The following ZNF469 variants were observed in gnomAD, a reference collection of about 807,000 sequenced individuals.
ZNF469 encodes zinc finger protein 469.
Under a neutral mutation model 1.0 loss-of-function variants are expected in ZNF469, and 1 was observed. The observed-to-expected ratio is 1.00, with a 90% CI of 0.35 to 4.73. The LOEUF (loss-of-function observed/expected upper bound fraction) is 4.73, where lower values mean the gene tolerates loss of function less well. ZNF469 is among the 30% of genes most tolerant of loss of function. The pLI, the probability that ZNF469 is intolerant of heterozygous loss-of-function variation, is 0.16. For missense variants in ZNF469, 6,100 were observed against 5,356.3 expected (o/e 1.14, Z -4.33); for synonymous variants, 2,703 against 2,363.4 (o/e 1.14, Z -4.17).
chr16:88,110,524 C>T, the ZNF469 span, among the ~76,000 whole-genome samples: 5 of 152,378 alleles, frequency 3.3e-5, no homozygotes, highest in Admixed American at 2.0e-4. Context: ...TGCTCCTCCA[C>T]ACCCACATGG....
chr16:88,140,139 G>C, the ZNF469 span, among the ~76,000 whole-genome samples: 5 of 152,176 alleles, frequency 3.3e-5, no homozygotes, highest in African/African-American at 9.7e-5. Context: ...CATAATGAAA[G>C]TCCAGAGCAA....
the ZNF469 span, among the ~76,000 whole-genome samples, chr16:88,220,429 G>T: frequency 6.6e-6 from 1 of 152,194 alleles, no homozygotes; most frequent in African/African-American, 2.4e-5. Context: ...CCGTATGAGA[G>T]CAGTGCCAGA....
At position 88,433,970 on chromosome 16, in the gene ZNF469, C is replaced by T. The variant is rs1160420774; in HGVS notation, c.6500C>T (p.Ala2167Val). Residue 2167 changes from alanine (A) to valine (V), a missense_variant, in exon 3 of 3, where the codon GCC becomes GTC. Physicochemically the swap from Ala to Val is moderately conservative, Grantham distance 64. Transcript: ENST00000565624. ...CCTCCCGGCCCCCAGCAGCTGCTGG[C>T]CTGTTCTCCTGCCTGGGCACCTCTG... ...RDPPGPQQLL[A>V]CSPAWAPLEE... 2 of 1,550,252 alleles carry T rather than the reference C, an allele frequency of 1.3e-6. No individual in the cohort carries two copies. The highest frequency in any genetic ancestry group is 1.7e-6 in the Non-Finnish European group (2 of 1,146,916).
chr16:88,273,544 A>G, the ZNF469 span, among the ~76,000 whole-genome samples: 16 of 152,224 alleles, frequency 1.1e-4, no homozygotes, highest in Non-Finnish European at 1.6e-4. Flanking sequence ...ACCCTCCTGC[A>G]AGGTTGGTGG....
At chr16:88,337,920 C>A in the ZNF469 span, among the ~76,000 whole-genome samples, 10 of 152,328 alleles carry the variant, frequency 6.6e-5, no homozygotes, top group South Asian at 2.1e-3. Flanking sequence ...CCAAAATTTT[C>A]TCCTGCTTTG....
the ZNF469 span, among the ~76,000 whole-genome samples, chr16:88,264,812 C>T: frequency 6.6e-6 from 1 of 151,366 alleles, no homozygotes; most frequent in South Asian, 2.1e-4. Context: ...CACGGCCCCC[C>T]GCCTCGCACC....
chr16:88,280,194 G>A, the ZNF469 span, among the ~76,000 whole-genome samples: 1 of 151,884 alleles, frequency 6.6e-6, no homozygotes, highest in Admixed American at 6.5e-5. Flanking sequence ...CGCTTGGTCA[G>A]TACTGTGTAG....
the ZNF469 span, among the ~76,000 whole-genome samples, chr16:88,186,636 C>T: frequency 1.2e-3 from 188 of 152,242 alleles, no homozygotes; most frequent in Non-Finnish European, 2.3e-3. Context: ...CAAAGCGCAG[C>T]GGGCCCACCT....
In ZNF469 at chr16:88,424,351, C is replaced by T. The variant is rs1341918848; in HGVS notation, c.-191-456C>T. 9.2e-5 allele frequency among the ~76,000 whole-genome samples: 14 copies of T among 152,194 alleles called. No individual in the cohort carries two copies. Among genetic ancestry groups the T allele is most frequent in the Admixed American group, 9.2e-4 (14 of 15,278 alleles). On this transcript the variant is annotated intron_variant, in intron 1 of 2. Transcript: ENST00000565624. This position sits in a 1 kb window ranked among gnomAD's most constrained non-coding sequence, Gnocchi z 4.3. Reference sequence around the variant, plus strand: ...GAAGGAGGAAAGGCAGTGTGTGTTCCTGTGTGCTGGTGTTTGCATCCAGGG... The same window carrying T: ...GAAGGAGGAAAGGCAGTGTGTGTTCTTGTGTGCTGGTGTTTGCATCCAGGG...
chr16:88,174,742 T>C, the ZNF469 span, among the ~76,000 whole-genome samples: 7 of 151,016 alleles, frequency 4.6e-5, no homozygotes, highest in Non-Finnish European at 1.0e-4. Flanking sequence ...ATGGTTATAA[T>C]ATTTTTCTCT....
Position 88,431,067 on chromosome 16 carries a change from C to A in ZNF469, c.3597C>A (p.Pro1199=). 1 of 1,549,504 alleles carries A rather than the reference C, an allele frequency of 6.5e-7. No individual in the cohort carries two copies. The highest frequency in any genetic ancestry group is 2.4e-5 in the East Asian group (1 of 40,900). ...PKCADRPSVA[P]KDPLQVPTNT... is the part of the protein sequence containing the mutation. Reference sequence around the variant, plus strand: ...GTGCTGATCGCCCCTCAGTGGCCCCCAAGGATCCCCTGCAGGTCCCCACCA... The same window carrying A: ...GTGCTGATCGCCCCTCAGTGGCCCCAAAGGATCCCCTGCAGGTCCCCACCA... Residue 1199 remains proline (P), a synonymous_variant, in exon 3 of 3, where the codon CCC becomes CCA. Coordinates refer to ENST00000565624, the MANE Select transcript of ZNF469 (RefSeq NM_001367624.2).
chr16:88,309,295 C>T, the ZNF469 span, among the ~76,000 whole-genome samples: 1 of 152,228 alleles, frequency 6.6e-6, no homozygotes, highest in Non-Finnish European at 1.5e-5. Flanking sequence ...CTGTGGTGGC[C>T]AGCCCTACAG....
In ZNF469 at chr16:88,383,081, C is replaced by T. The variant is rs2092529455; in HGVS notation, c.-365C>T. 6.6e-6 allele frequency among the ~76,000 whole-genome samples: 1 copy of T among 150,796 alleles called. No homozygotes were observed. Among genetic ancestry groups the T allele is most frequent in the Non-Finnish European group, 1.5e-5 (1 of 67,556 alleles). ...GCGGCTGCTCCCTCTCCTCCCACCCCGCCCCGAGGCGCAGCGCGCGGCAGA... is the reference window on the plus strand; with the variant it reads ...GCGGCTGCTCCCTCTCCTCCCACCCTGCCCCGAGGCGCAGCGCGCGGCAGA... On this transcript the variant is annotated 5_prime_UTR_variant, in exon 1 of 3. Transcript: ENST00000565624.
At chr16:88,309,488 A>C in the ZNF469 span, among the ~76,000 whole-genome samples, 1 of 141,434 alleles carries the variant, frequency 7.1e-6, no homozygotes, top group Non-Finnish European at 1.5e-5. Context: ...CTCGGTGTTC[A>C]GGACACCTGA....
At chr16:88,230,581 GTAA>G in the ZNF469 span, among the ~76,000 whole-genome samples, 2 of 124,124 alleles carry the variant, frequency 1.6e-5, no homozygotes, top group Non-Finnish European at 3.7e-5. Flanking sequence ...GTCGCTGTGG[GTAA>G]CTGGGCTCTG....
chr16:88,265,035 G>A, the ZNF469 span, among the ~76,000 whole-genome samples: 4 of 152,152 alleles, frequency 2.6e-5, no homozygotes, highest in Admixed American at 6.5e-5. Context: ...TACTAGATGC[G>A]TGGGTTCAAG....
chr16:88,325,205 C>T, the ZNF469 span, among the ~76,000 whole-genome samples: 10,730 of 117,994 alleles, frequency 0.091, 375 homozygotes, highest in African/African-American at 0.19. Flanking sequence ...CAGGTGGTCG[C>T]GACAGCAGCT....
At chr16:88,388,065 C>G (rs1904384489) in intron 1 of ZNF469, among the ~76,000 whole-genome samples, 1 of 152,276 alleles carries the variant, frequency 6.6e-6, no homozygotes, top group South Asian at 2.1e-4. Flanking sequence ...AGTCTCTTTA[C>G]AACCCCAGAG....
chr16:88,233,299 G>A, the ZNF469 span, among the ~76,000 whole-genome samples: 2 of 152,224 alleles, frequency 1.3e-5, no homozygotes, highest in Non-Finnish European at 2.9e-5. Flanking sequence ...TGGGGCTTGG[G>A]AGGAAATCGC....
Sources: allele counts gnomAD v4.1 joint callset (sites outside exome capture counted in the v4.1 genomes callset), GRCh38; gene constraint gnomAD v4.1.1; non-coding constraint Gnocchi (gnomAD v3.1); transcripts MANE v1.5; gene names NCBI Gene and HGNC (gene_info 2026-07-23, HGNC 2026-07-21).